GFI1: variants seen among roughly 807,000 people sequenced by gnomAD.
GFI1 encodes growth factor independent 1 transcriptional repressor.
In GFI1, 15 loss-of-function variants were observed where a neutral mutation model predicts 39.2. The ratio of observed to expected loss-of-function variants is 0.38; its 90% CI spans 0.26 to 0.59. The LOEUF (loss-of-function observed/expected upper bound fraction) is 0.59, where lower values mean the gene tolerates loss of function less well. Among genes scored for constraint, GFI1 ranks in the 20% least tolerant of loss-of-function variants. The probability of loss-of-function intolerance (pLI) is 0.62; values close to 1 mark genes in which losing one functional copy is unlikely to be tolerated. For missense variants in GFI1, 475 were observed against 574.0 expected (o/e 0.83, Z 1.76); for synonymous variants, 239 against 254.3 (o/e 0.94, Z 0.57).
chr1:92,482,224 T>A lies in GFI1; in HGVS notation c.298+640A>T, dbSNP rs1658291287. Among the ~76,000 whole-genome samples the A allele has an allele frequency of 6.6e-6, 1 of 151,546 alleles. No individual in the cohort carries two copies. The highest frequency in any genetic ancestry group is 2.4e-5 in the African/African-American group (1 of 41,256). On this transcript the variant is annotated intron_variant, in intron 3 of 6. Transcript: ENST00000294702. This position sits in a 1 kb window ranked among gnomAD's most constrained non-coding sequence, Gnocchi z 4.4. ...CCTTGACAGAATCCGGCTGGTCTGC[T>A]CATTCCTTCCCCCGGCCGGGACTCG...
In GFI1 at chr1:92,483,010, G is replaced by A. The variant is rs770183756; in HGVS notation, c.152C>T (p.Pro51Leu). ...TSNAGGAKAE[P>L]RDRLSPESQL... ...CGATTCGGGGGACAAACGGTCCCGG[G>A]GCTCCGCCTTCGCCCCGCCTGCATT... Residue 51 changes from proline to leucine, a missense_variant, in exon 3 of 7, where the codon CCC becomes CTC. Physicochemically the swap from Pro to Leu is moderately conservative, Grantham distance 98. Coordinates refer to ENST00000294702, the MANE Select transcript of GFI1 (RefSeq NM_005263.5). 1 of 1,606,326 alleles carries A rather than the reference G, an allele frequency of 6.2e-7. No homozygotes were observed. The highest frequency in any genetic ancestry group is 1.3e-5 in the African/African-American group (1 of 74,734).
Position 92,476,185 on chromosome 1 carries a change from C to G in GFI1, c.1113G>C (p.Gln371His), listed in dbSNP as rs1457516759. The G allele has an allele frequency of 6.2e-7, 1 of 1,613,520 alleles. No individual in the cohort carries two copies. The highest frequency in any genetic ancestry group is 8.5e-7 in the Non-Finnish European group (1 of 1,179,774). The part of the protein sequence containing the change: ...IHTGEKPHKC[Q>H]VCGKAFSQSS... ...TCTGGCTGAATGCCTTGCCGCACAC[C>G]TGGCACTTGTGAGGCTTCTCACCTG... Residue 371 changes from glutamine to histidine, a missense_variant, in exon 7 of 7, where the codon CAG (glutamine) becomes CAC (histidine). Gln to His is a conservative substitution (Grantham distance 24, BLOSUM62 0). Around this residue, in one of 4 missense-constraint regions of GFI1, gnomAD observed 112 missense variants for 202.8 expected, o/e 0.55. Coordinates refer to ENST00000294702, the MANE Select transcript of GFI1 (RefSeq NM_005263.5).
At chr1:92,485,738 G>A (rs894190497) in intron 1 of GFI1, among the ~76,000 whole-genome samples, 1 of 152,206 alleles carries the variant, frequency 6.6e-6, no homozygotes, top group Non-Finnish European at 1.5e-5. Flanking sequence ...AGCTGCCGCC[G>A]CCTCCCCACC....
chr1:92,486,059 G>A (rs1201679140), intron 1 of GFI1: 1 of 152,172 alleles, frequency 6.6e-6, no homozygotes, highest in African/African-American at 2.4e-5. Context: ...GTTTTCAAAC[G>A]GAATCTTGCT....
At chr1:92,478,230 C>T (rs1658052824) in intron 6 of GFI1, among the ~76,000 whole-genome samples, 1 of 152,204 alleles carries the variant, frequency 6.6e-6, no homozygotes. Flanking sequence ...TCCTCAATCT[C>T]TAGGTAAGCT....
In GFI1 at chr1:92,480,279, G is replaced by A; in HGVS notation, c.924+69C>T. 6.7e-7 allele frequency: 1 copy of A among 1,492,170 alleles called. No homozygotes were observed. Among genetic ancestry groups the A allele is most frequent in the Non-Finnish European group, 9.0e-7 (1 of 1,105,998 alleles). 92.4% of individuals were successfully genotyped at this position (1,492,170 alleles called of 1,614,324 possible). ...GAAAACTTCCAGGCAGAGAGTGGCT[G>A]GTGCTGCACCGAGGAGATGCAGAAG... On this transcript the variant is annotated intron_variant, in intron 5 of 6. Coordinates refer to ENST00000294702, the MANE Select transcript of GFI1 (RefSeq NM_005263.5). This position sits in a 1 kb window ranked among gnomAD's most constrained non-coding sequence, Gnocchi z 5.6.
At position 92,482,253 on chromosome 1, in the gene GFI1, C is replaced by A. The variant is rs894899039; in HGVS notation, c.298+611G>T. 6.6e-6 allele frequency among the ~76,000 whole-genome samples: 1 copy of A among 152,126 alleles called. No homozygotes were observed. Among genetic ancestry groups the A allele is most frequent in the East Asian group, 1.9e-4 (1 of 5,174 alleles). ...TCCTTCCCCCGGCCGGGACTCGAGA[C>A]GCCCCCACCCAACGTGTGGTCACTT... is the stretch of plus-strand genomic sequence containing the variant. On this transcript the variant is annotated intron_variant, in intron 3 of 6. Coordinates refer to ENST00000294702, the MANE Select transcript of GFI1 (RefSeq NM_005263.5). This position sits in a 1 kb window ranked among gnomAD's most constrained non-coding sequence, Gnocchi z 4.4.
intron 6 of GFI1, among the ~76,000 whole-genome samples, chr1:92,476,815 G>A (rs1043294105): frequency 3.9e-5 from 6 of 151,908 alleles, no homozygotes; most frequent in African/African-American, 7.3e-5. Context: ...TGCAGGATAC[G>A]TTTTTCAATA....
rs1016725727 is a variant in GFI1 at position 92,475,655 on chromosome 1, G to A, written c.*374C>T. ...ATATCTGGGGTAGGTCAAGAGGGGG[G>A]AGGGAAGAAACCTGAAGGGCATTCC... On this transcript the variant is annotated 3_prime_UTR_variant, in exon 7 of 7. Transcript: ENST00000294702. 4.0e-5 allele frequency: 12 copies of A among 301,512 alleles called. No individual in the cohort carries two copies. The highest frequency in any genetic ancestry group is 5.8e-5 in the Non-Finnish European group (9 of 155,342). The allele number at this position is 301,512 out of a possible 1,614,324, so 18.7% of individuals were successfully genotyped here.
In GFI1 at chr1:92,478,665, C is replaced by A; in HGVS notation, c.1013G>T (p.Arg338Leu). 1 of 1,613,272 alleles carries A rather than the reference C, an allele frequency of 6.2e-7. No homozygotes were observed. Among genetic ancestry groups the A allele is most frequent in the Non-Finnish European group, 8.5e-7 (1 of 1,179,826 alleles). The change falls in exon 6 of 7, where the codon CGG becomes CTG. Residue 338 changes from arginine to leucine, a missense_variant. Physicochemically the swap from Arg to Leu is moderately radical, Grantham distance 102 (BLOSUM62 -2). Coordinates refer to ENST00000294702, the MANE Select transcript of GFI1 (RefSeq NM_005263.5). ...STHLLIHSDT[R>L]PYPCQYCGKR... ...GCCACAGTACTGACAGGGGTAGGGCCGAGTGTCTGAGTGGATAAGCAGGTG... is the reference window on the plus strand; with the variant it reads ...GCCACAGTACTGACAGGGGTAGGGCAGAGTGTCTGAGTGGATAAGCAGGTG...
chr1:92,480,748 C>T lies in GFI1; in HGVS notation c.639G>A (p.Arg213=), dbSNP rs1416766885. The T allele has an allele frequency of 6.2e-7, 1 of 1,600,652 alleles. No homozygotes were observed. Among genetic ancestry groups the T allele is most frequent in the East Asian group, 2.2e-5 (1 of 44,748 alleles). The change falls in exon 4 of 7, where the codon AGG becomes AGA. Residue 213 remains arginine, a synonymous_variant. Transcript: ENST00000294702. The surrounding 1 kb of genome is among the most constrained non-coding windows in gnomAD (Gnocchi z 5.6). ...ACAGCAAGCCCGCCGCTGCCGTGGG[C>T]CTCTCATACAGCCCGGCTGCCGCAG... ...FGSAAAGLYE[R]PTAAAGLLYP... is the part of the protein sequence containing the mutation.
At position 92,475,843 on chromosome 1, in the gene GFI1, C is replaced by T. The variant is rs900735067; in HGVS notation, c.*186G>A. 1 of 626,590 alleles carries T rather than the reference C, an allele frequency of 1.6e-6. No individual in the cohort carries two copies. Among genetic ancestry groups the T allele is most frequent in the South Asian group, 1.9e-5 (1 of 54,000 alleles). 38.8% of individuals were successfully genotyped at this position (626,590 alleles called of 1,614,324 possible). Reference sequence around the variant, plus strand: ...CTCTCGGCTGCACTTTGAAAAGGTACCTCATTTCTTCTGGCAGCTCCAGGA... The same window carrying T: ...CTCTCGGCTGCACTTTGAAAAGGTATCTCATTTCTTCTGGCAGCTCCAGGA... On this transcript the variant is annotated 3_prime_UTR_variant, in exon 7 of 7. Coordinates refer to ENST00000294702, the MANE Select transcript of GFI1 (RefSeq NM_005263.5).
At chr1:92,483,858 C>A (rs913799594) in intron 1 of GFI1, 1 of 353,566 alleles carries the variant, frequency 2.8e-6, no homozygotes, top group Non-Finnish European at 5.5e-6. Context: ...CCTGCCCACG[C>A]CCCCCAGCTC....
chr1:92,475,474 ATGATT>A lies in GFI1; in HGVS notation c.*550_*554del. 1 of 161,914 alleles carries A rather than the reference ATGATT, an allele frequency of 6.2e-6. No individual in the cohort carries two copies. 10.0% of individuals were successfully genotyped at this position (161,914 alleles called of 1,614,324 possible). A position where few individuals can be genotyped will look rare whatever the true frequency, so the allele number is the denominator to read the frequency against. On this transcript the variant is annotated 3_prime_UTR_variant, in exon 7 of 7. Transcript: ENST00000294702. ...CTGAATCAGTTTTTGAGGAGGAGAA[ATGATT>A]CCTCCAAGATTTATAGGCAGCACCC...
chr1:92,479,780 CAG>C (rs1489996988), intron 5 of GFI1, among the ~76,000 whole-genome samples: 1 of 152,044 alleles, frequency 6.6e-6, no homozygotes, highest in African/African-American at 2.4e-5. Context: ...TTTAACCTGA[CAG>C]GGGGAGGTTG....
intron 1 of GFI1, among the ~76,000 whole-genome samples, chr1:92,485,714 G>T (rs1658497783): frequency 6.6e-6 from 1 of 151,912 alleles, no homozygotes; most frequent in East Asian, 1.9e-4. Flanking sequence ...CTAAGGGGGC[G>T]TCCTCCCGAG....
rs2101575458 is a variant in GFI1 at position 92,481,566 on chromosome 1, T to C, written c.299-478A>G. On this transcript the variant is annotated intron_variant, in intron 3 of 6. Transcript: ENST00000294702. This position sits in a 1 kb window ranked among gnomAD's most constrained non-coding sequence, Gnocchi z 4.3. The stretch of plus-strand genomic sequence containing the variant: ...CTACATGTTCCCATTCAATTCTTTT[T>C]CTTCCCAGAATCCAAGAGGAAGGAG... Among the ~76,000 whole-genome samples the C allele has an allele frequency of 6.6e-6, 1 of 152,340 alleles. No homozygotes were observed. Among genetic ancestry groups the C allele is most frequent in the South Asian group, 2.1e-4 (1 of 4,832 alleles).
In GFI1 at chr1:92,480,591, G is replaced by A; in HGVS notation, c.786+10C>T. 1.3e-6 allele frequency: 2 copies of A among 1,544,624 alleles called. No individual in the cohort carries two copies. Among genetic ancestry groups the A allele is most frequent in the Non-Finnish European group, 1.7e-6 (2 of 1,148,588 alleles). On this transcript the variant is annotated intron_variant, in intron 4 of 6. Coordinates refer to ENST00000294702, the MANE Select transcript of GFI1 (RefSeq NM_005263.5). The surrounding 1 kb of genome is among the most constrained non-coding windows in gnomAD (Gnocchi z 5.6). ...CACGGCAGGCGAGGTGGTGAGCTCG[G>A]GAGCCTCACCTTGCTGCACTTGATG...
At chr1:92,478,550 A>C (rs1658067664) in intron 6 of GFI1, 38 bp downstream of exon 6, 1 of 1,578,264 alleles carries the variant, frequency 6.3e-7, no homozygotes, top group Non-Finnish European at 8.7e-7. Flanking sequence ...TGTTGGCCTC[A>C]GGGTGTTTCC....
Sources: gnomAD v4.1 joint callset for allele counts (sites outside exome capture counted in the v4.1 genomes callset) on GRCh38, gnomAD v4.1.1 for gene constraint, gnomAD v4.1.1 regional missense constraint, Gnocchi (gnomAD v3.1) non-coding constraint, MANE v1.5 for transcripts, NCBI Gene and HGNC (gene_info 2026-07-23, HGNC 2026-07-21) for gene names.